Variants in PDE1C observed in about 807,000 individuals in gnomAD.
PDE1C encodes the protein phosphodiesterase 1C, also known as dual specificity calcium/calmodulin-dependent 3',5'-cyclic nucleotide phosphodiesterase 1C.
PDE1C carries 62 observed loss-of-function variants against 93.1 expected under a neutral mutation model. That is an observed-to-expected ratio of 0.67 (90% confidence interval 0.54 to 0.82). The LOEUF (loss-of-function observed/expected upper bound fraction) is 0.82. Among genes scored for constraint, PDE1C ranks in the 40% least tolerant of loss-of-function variants. The pLI is 0.00. For missense variants in PDE1C, 742 were observed against 884.6 expected, an observed-to-expected ratio of 0.84 and a Z score of 2.04; for synonymous variants, 325 against 310.1, an observed-to-expected ratio of 1.05 and a Z score of -0.50.
chr7:31,627,247 A>T, the PDE1C span, among the ~76,000 whole-genome samples: 1 of 152,246 alleles, frequency 6.6e-6, no homozygotes, highest in South Asian at 2.1e-4. Context: ...AATAAGTGAG[A>T]CTACATCAAA....
At chr7:32,041,493 G>C (rs981698980) in intron 2 of PDE1C, among the ~76,000 whole-genome samples, 1 of 152,158 alleles carries the variant, frequency 6.6e-6, no homozygotes, top group African/African-American at 2.4e-5. Context: ...GACTTCACTT[G>C]TGGAATAGAA....
chr7:31,804,979 G>A (rs1786629893), intron 16 of PDE1C, among the ~76,000 whole-genome samples: 1 of 151,734 alleles, frequency 6.6e-6, no homozygotes, highest in Non-Finnish European at 1.5e-5. Context: ...ATGTGTCATG[G>A]GAGGGACCCT....
At chr7:32,346,834 G>A (rs1482259090) in intron 1 of PDE1C, among the ~76,000 whole-genome samples, 1 of 152,100 alleles carries the variant, frequency 6.6e-6, no homozygotes, top group East Asian at 1.9e-4. Context: ...CAGAGTCAAA[G>A]ACTACACATG....
chr7:32,147,984 T>TAAAAAAAAAAAAAAACAAA (rs1801004375), intron 3 of PDE1C, among the ~76,000 whole-genome samples: 1 of 79,730 alleles, frequency 1.3e-5, no homozygotes, highest in African/African-American at 5.6e-5. Context: ...CCATTTATGC[T>TAAAAAAAAAAAAAAACAAA]AAAAAAAAAA....
At chr7:31,619,392 T>C in the PDE1C span, among the ~76,000 whole-genome samples, 1 of 152,246 alleles carries the variant, frequency 6.6e-6, no homozygotes. Context: ...TCAATTCTTA[T>C]TATTTTACCA....
chr7:31,899,618 G>A (rs912600140), intron 2 of PDE1C, among the ~76,000 whole-genome samples: 10 of 152,272 alleles, frequency 6.6e-5, no homozygotes, highest in Non-Finnish European at 1.0e-4. Context: ...GAAATCAAGG[G>A]AAGAATAAGA....
the PDE1C span, among the ~76,000 whole-genome samples, chr7:31,724,973 C>G: frequency 1.3e-5 from 2 of 152,150 alleles, no homozygotes; most frequent in Non-Finnish European, 2.9e-5. Flanking sequence ...CAGGAAAATA[C>G]CATTTAAAAA....
At chr7:31,825,868 G>A (rs1290220749) in intron 12 of PDE1C, among the ~76,000 whole-genome samples, 1 of 150,834 alleles carries the variant, frequency 6.6e-6, no homozygotes, top group Non-Finnish European at 1.5e-5. Context: ...AAAAGACAAT[G>A]GGCTCAGTTT....
chr7:31,920,255 C>G (rs529160177), intron 2 of PDE1C, among the ~76,000 whole-genome samples: 1 of 152,264 alleles, frequency 6.6e-6, no homozygotes, highest in Admixed American at 6.5e-5. Flanking sequence ...TCAATCCTAA[C>G]CATCTGGACA....
chr7:31,643,969 G>A, the PDE1C span: 1 of 1,581,930 alleles, frequency 6.3e-7, no homozygotes, highest in South Asian at 1.2e-5. Context: ...TGTTCACCCT[G>A]GCAAAGATGG....
intron 1 of PDE1C, among the ~76,000 whole-genome samples, chr7:32,278,393 A>G (rs1378819253): frequency 6.6e-6 from 1 of 152,174 alleles, no homozygotes; most frequent in African/African-American, 2.4e-5. Context: ...GAATAAATGG[A>G]AAAAAAGTAA....
At chr7:32,075,158 C>T (rs747015252), upstream of PDE1C, among the ~76,000 whole-genome samples, 2 of 152,170 alleles carry the variant, frequency 1.3e-5, no homozygotes, top group South Asian at 2.1e-4. Context: ...CAAGCTCCTC[C>T]GCTTACAAAC....
intron 2 of PDE1C, among the ~76,000 whole-genome samples, chr7:31,937,575 T>C (rs1805270623): frequency 6.6e-6 from 1 of 152,164 alleles, no homozygotes; most frequent in African/African-American, 2.4e-5. Context: ...GGAAGATCCA[T>C]TCTTTTGGCT....
chr7:32,427,249 AATT>A lies in PDE1C; in HGVS notation c.310+570_310+572del, dbSNP rs1785551148. The stretch of plus-strand genomic sequence containing the variant: ...ATTTTCCAGCTCCCTAGTGAGACGG[AATT>A]ATTATCATCCCTGTGTCACAGATGA... On this transcript the variant is annotated intron_variant, in intron 1 of 1. Transcript: ENST00000672256. Among the ~76,000 whole-genome samples, 6 of 152,230 alleles carry A rather than the reference AATT, an allele frequency of 3.9e-5. No homozygotes were observed. In the South Asian group the frequency reaches 1.2e-3, roughly 32 times the overall value.
chr7:32,194,851 T>C (rs1432436124), intron 2 of PDE1C, among the ~76,000 whole-genome samples: 1 of 152,208 alleles, frequency 6.6e-6, no homozygotes, highest in Non-Finnish European at 1.5e-5. Context: ...ATTTATCTAG[T>C]TTATTTTTCC....
intron 3 of PDE1C, among the ~76,000 whole-genome samples, chr7:32,127,782 T>C (rs1799668471): frequency 6.6e-6 from 1 of 152,010 alleles, no homozygotes; most frequent in Non-Finnish European, 1.5e-5. Flanking sequence ...ACACTCAATA[T>C]TGTAAAGATG....
chr7:31,936,732 G>A (rs1407369786), intron 2 of PDE1C, among the ~76,000 whole-genome samples: 1 of 152,134 alleles, frequency 6.6e-6, no homozygotes, highest in Non-Finnish European at 1.5e-5. Flanking sequence ...TTGAAGTTAG[G>A]CATACAAAGA....
the PDE1C span, chr7:31,707,413 C>T: frequency 2.8e-6 from 2 of 705,532 alleles, no homozygotes; most frequent in Non-Finnish European, 4.7e-6. Context: ...ACCTTCTCCC[C>T]AGGAGATGTA....
At chr7:32,070,843 G>C (rs1795976626), upstream of PDE1C, 1 of 986,672 alleles carries the variant, frequency 1.0e-6, no homozygotes, top group Non-Finnish European at 1.2e-6. Flanking sequence ...AAAAGCGGCG[G>C]CTGAGCAAAG....
Sources: gnomAD v4.1 joint callset for allele counts (sites outside exome capture counted in the v4.1 genomes callset) on GRCh38, gnomAD v4.1.1 for gene constraint, MANE v1.5 for transcripts, NCBI Gene and HGNC (gene_info 2026-07-23, HGNC 2026-07-21) for gene names.